Variants in RRAGD observed in about 807,000 individuals in gnomAD.
RRAGD encodes ras-related GTP-binding protein D.
Under a neutral mutation model 35.5 loss-of-function variants are expected in RRAGD, and 12 were observed. The observed-to-expected ratio is 0.34, with a 90% CI of 0.22 to 0.55. The LOEUF (loss-of-function observed/expected upper bound fraction) is 0.55, where lower values mean the gene tolerates loss of function less well. RRAGD is among the 20% of genes least tolerant of loss of function. The probability of loss-of-function intolerance (pLI) is 0.91; values close to 1 mark genes in which losing one functional copy is unlikely to be tolerated. For missense variants in RRAGD, 324 were observed against 490.1 expected (o/e 0.66, Z 3.20); for synonymous variants, 155 against 178.9 (o/e 0.87, Z 1.07).
intron 2 of RRAGD, among the ~76,000 whole-genome samples, chr6:89,386,168 G>C (rs947540140): frequency 1.3e-5 from 2 of 152,206 alleles, no homozygotes; most frequent in African/African-American, 2.4e-5. Flanking sequence ...AGCTGCAAAA[G>C]GGAGCCCTTG....
chr6:89,391,066 A>G (rs1769223404), intron 1 of RRAGD, among the ~76,000 whole-genome samples: 1 of 152,132 alleles, frequency 6.6e-6, no homozygotes, highest in Admixed American at 6.5e-5. Context: ...CCATCAACTC[A>G]TGAATGGATG....
chr6:89,394,739 T>C (rs1380956185), intron 1 of RRAGD, among the ~76,000 whole-genome samples: 2 of 151,780 alleles, frequency 1.3e-5, no homozygotes, highest in Non-Finnish European at 2.9e-5. Flanking sequence ...ATTTCAAATA[T>C]AAATGAAAAT....
chr6:89,384,095 C>A (rs1450710499), intron 2 of RRAGD, among the ~76,000 whole-genome samples: 1 of 148,190 alleles, frequency 6.7e-6, no homozygotes, highest in Non-Finnish European at 1.5e-5. Context: ...GAGTGAGACT[C>A]CATCTAAAAA....
intron 2 of RRAGD, among the ~76,000 whole-genome samples, chr6:89,384,813 CAA>C (rs34091216): frequency 0.11 from 11,211 of 101,494 alleles, 1,121 homozygotes; most frequent in East Asian, 0.29. Flanking sequence ...GACTCCGTCT[CAA>C]AAAAAAAAAA....
chr6:89,402,875 C>A (rs955103489), intron 1 of RRAGD, among the ~76,000 whole-genome samples: 1 of 152,142 alleles, frequency 6.6e-6, no homozygotes, highest in Non-Finnish European at 1.5e-5. Context: ...CTCAAACCAA[C>A]CCACTCCAAC....
chr6:89,402,038 A>ATTTTTTTTTTTTTTTTTTT (rs71556520), intron 1 of RRAGD, among the ~76,000 whole-genome samples: 5 of 78,434 alleles, frequency 6.4e-5, no homozygotes, highest in East Asian at 9.1e-4. Flanking sequence ...AATCCTAAGG[A>ATTTTTTTTTTTTTTTTTTT]TTTTTTTTTT....
chr6:89,368,292 G>A (rs1768792343), intron 6 of RRAGD, 85 bp from the exon 7 acceptor site: 1 of 1,196,716 alleles, frequency 8.4e-7, no homozygotes, highest in Non-Finnish European at 1.2e-6. Context: ...GGACAAGCCA[G>A]TAGGGGGCAG....
chr6:89,395,065 T>TG (rs1769307395), intron 1 of RRAGD, among the ~76,000 whole-genome samples: 1 of 152,088 alleles, frequency 6.6e-6, no homozygotes, highest in Non-Finnish European at 1.5e-5. Flanking sequence ...GAGACCAGCC[T>TG]GGTCAACATA....
At chr6:89,381,670 T>A (rs1769045934) in intron 2 of RRAGD, among the ~76,000 whole-genome samples, 1 of 152,228 alleles carries the variant, frequency 6.6e-6, no homozygotes, top group Admixed American at 6.5e-5. Flanking sequence ...TTCAACACTA[T>A]GTCAGTGAGA....
At chr6:89,374,635 G>A (rs1316086573) in intron 5 of RRAGD, among the ~76,000 whole-genome samples, 1 of 151,850 alleles carries the variant, frequency 6.6e-6, no homozygotes, top group Non-Finnish European at 1.5e-5. Flanking sequence ...GAGGCTGAGG[G>A]AGGAGAATCA....
intron 6 of RRAGD, among the ~76,000 whole-genome samples, chr6:89,371,608 T>G: frequency 6.6e-6 from 1 of 152,216 alleles, no homozygotes; most frequent in East Asian, 1.9e-4. Flanking sequence ...CATTTTTAAT[T>G]TAATGGGCTT....
intron 2 of RRAGD, among the ~76,000 whole-genome samples, chr6:89,385,656 G>A (rs892039339): frequency 5.3e-5 from 8 of 152,196 alleles, no homozygotes; most frequent in African/African-American, 1.9e-4. Context: ...GGTAACACGT[G>A]TTTCTGGGTA....
At chr6:89,402,975 G>A (rs1178654173) in intron 1 of RRAGD, among the ~76,000 whole-genome samples, 1 of 152,180 alleles carries the variant, frequency 6.6e-6, no homozygotes, top group African/African-American at 2.4e-5. Flanking sequence ...CTTTACAAAT[G>A]TCAATGACAC....
At chr6:89,381,116 G>A (rs1357539921) in intron 2 of RRAGD, among the ~76,000 whole-genome samples, 1 of 152,178 alleles carries the variant, frequency 6.6e-6, no homozygotes, top group African/African-American at 2.4e-5. Context: ...CACTGGTTCA[G>A]TGCAGAAGTC....
At chr6:89,387,179 A>G (rs1331156102) in intron 2 of RRAGD, 116 bp downstream of exon 2, 2 of 1,078,010 alleles carry the variant, frequency 1.9e-6, no homozygotes, top group African/African-American at 1.6e-5. Context: ...GCCCTGACCA[A>G]GAAACACTTG....
At chr6:89,391,519 T>C (rs1769232576) in intron 1 of RRAGD, among the ~76,000 whole-genome samples, 1 of 152,228 alleles carries the variant, frequency 6.6e-6, no homozygotes, top group South Asian at 2.1e-4. Context: ...TTATCTATTG[T>C]ATGATTCTAT....
chr6:89,372,475 A>G lies in RRAGD; in HGVS notation c.1013T>C (p.Leu338Pro). The change falls in exon 6 of 7, where the codon CTC becomes CCC. Residue 338 changes from leucine (L) to proline (P), a missense_variant. Leu to Pro is a moderately conservative substitution (Grantham distance 98). Around this residue, in one of 5 missense-constraint regions of RRAGD, gnomAD observed 68 missense variants for 76.8 expected, o/e 0.89. Coordinates refer to ENST00000369415, the MANE Select transcript of RRAGD (RefSeq NM_021244.5). ...GCTTTCCTCTCTGACAAAGCAAACG[A>G]GAGCCAGGAACTTTGTCACCTCTTT... Reference protein sequence around the residue: ...YLKEVTKFLALVCFVREESFE... With the variant: ...YLKEVTKFLAPVCFVREESFE... 1 of 1,613,860 alleles carries G rather than the reference A, an allele frequency of 6.2e-7. No individual in the cohort carries two copies. Among genetic ancestry groups the G allele is most frequent in the Non-Finnish European group, 8.5e-7 (1 of 1,179,948 alleles).
chr6:89,411,582 G>A lies in RRAGD; in HGVS notation c.148+264C>T. ...CACCGGCTCTGAAAGGGGCAGAAGCGCGCGCTCCTCCAGCCCAGACGCTTA... is the reference window on the plus strand; with the variant it reads ...CACCGGCTCTGAAAGGGGCAGAAGCACGCGCTCCTCCAGCCCAGACGCTTA... On this transcript the variant is annotated intron_variant, in intron 1 of 6. Transcript: ENST00000369415. This position sits in a 1 kb window ranked among gnomAD's most constrained non-coding sequence, Gnocchi z 5.6. 2.0e-6 allele frequency: 1 copy of A among 505,408 alleles called. No homozygotes were observed. Among genetic ancestry groups the A allele is most frequent in the Non-Finnish European group, 3.5e-6 (1 of 282,628 alleles). The allele number at this position is 505,408 out of a possible 1,614,324, so 31.3% of individuals were successfully genotyped here.
Position 89,377,535 on chromosome 6 carries a change from T to C in RRAGD, c.902+136A>G, listed in dbSNP as rs545130678. On this transcript the variant is annotated intron_variant, in intron 5 of 6. Coordinates refer to ENST00000369415, the MANE Select transcript of RRAGD (RefSeq NM_021244.5). ...ATAACTGTTATTATTGCATGCTAAC[T>C]GGTATATTTATTTATAGATTTCAGT... The C allele has an allele frequency of 2.3e-5, 17 of 732,674 alleles. No individual in the cohort carries two copies. The East Asian group carries it at 4.9e-4, about 21-fold the overall frequency. 45.4% of individuals were successfully genotyped at this position (732,674 alleles called of 1,614,324 possible). A position where few individuals can be genotyped will look rare whatever the true frequency, so the allele number is the denominator to read the frequency against.
Sources: allele counts gnomAD v4.1 joint callset (sites outside exome capture counted in the v4.1 genomes callset), GRCh38; gene constraint gnomAD v4.1.1; regional missense constraint gnomAD v4.1.1; non-coding constraint Gnocchi (gnomAD v3.1); transcripts MANE v1.5; gene names NCBI Gene and HGNC (gene_info 2026-07-23, HGNC 2026-07-21).